CHD9: variants seen among roughly 807,000 people sequenced by gnomAD.
CHD9 encodes chromodomain helicase DNA binding protein 9.
CHD9 carries 77 observed loss-of-function variants against 316.1 expected under a neutral mutation model. The observed-to-expected ratio is 0.24, with a 90% CI of 0.20 to 0.29. The LOEUF is 0.29. CHD9 is among the 10% of genes least tolerant of loss of function. The pLI, the probability that CHD9 is intolerant of heterozygous loss-of-function variation, is 1.00. For missense variants in CHD9, 2,763 were observed against 3,438.1 expected (o/e 0.80, Z 4.91); for synonymous variants, 1,129 against 1,158.3 (o/e 0.97, Z 0.51).
intron 2 of CHD9, among the ~76,000 whole-genome samples, chr16:53,159,999 T>C (rs796317944): frequency 5.9e-5 from 9 of 152,322 alleles, no homozygotes; most frequent in African/African-American, 1.9e-4. Context: ...AAGACACTTA[T>C]AAACCCTCCA....
chr16:53,323,254 CTA>C (rs1158977186), intron 38 of CHD9, among the ~76,000 whole-genome samples: 3 of 152,158 alleles, frequency 2.0e-5, no homozygotes, highest in Non-Finnish European at 4.4e-5. Flanking sequence ...ATTAAATAGA[CTA>C]TTACTAAAAT....
intron 17 of CHD9, among the ~76,000 whole-genome samples, chr16:53,252,452 G>T (rs1254962983): frequency 6.6e-6 from 1 of 152,066 alleles, no homozygotes; most frequent in Non-Finnish European, 1.5e-5. Flanking sequence ...AAAAATTCTG[G>T]AAAATAACAT....
intron 24 of CHD9, among the ~76,000 whole-genome samples, chr16:53,274,920 C>T (rs1385791893): frequency 1.3e-5 from 2 of 152,212 alleles, no homozygotes; most frequent in African/African-American, 4.8e-5. Flanking sequence ...TTGCTCTCAT[C>T]TTGGCCATCA....
intron 1 of CHD9, among the ~76,000 whole-genome samples, chr16:53,103,061 G>A (rs760135110): frequency 6.6e-6 from 1 of 151,046 alleles, no homozygotes; most frequent in Non-Finnish European, 1.5e-5. Context: ...TAGCCAGGAT[G>A]GTCTCGATCT....
rs1173976881 is a variant in CHD9, at chr16:53,223,378, C to T, written c.1896+623C>T. The T allele has an allele frequency of 2.0e-5, 3 of 152,040 alleles. No individual in the cohort carries two copies. In the Admixed American group the frequency reaches 2.0e-4, roughly 10 times the overall value. 9.4% of individuals were successfully genotyped at this position (152,040 alleles called of 1,614,324 possible). On this transcript the variant is annotated intron_variant, in intron 4 of 38. Transcript: ENST00000447540. ...TAATAACTAAAGTATGACTGTAGGC[C>T]GTAGGGGTGGTGGCAGTTGTGAATT...
At chr16:53,174,329 T>G (rs563218773) in intron 2 of CHD9, among the ~76,000 whole-genome samples, 5 of 152,236 alleles carry the variant, frequency 3.3e-5, no homozygotes, top group Non-Finnish European at 7.3e-5. Flanking sequence ...TTTAATTATA[T>G]TTGCTTTCTA....
intron 1 of CHD9, among the ~76,000 whole-genome samples, chr16:53,116,623 G>T (rs1597039327): frequency 6.6e-6 from 1 of 152,184 alleles, no homozygotes; most frequent in Admixed American, 6.5e-5. Context: ...TACACTGTTG[G>T]TGGGAATGTA....
At chr16:53,109,054 G>T (rs536486467) in intron 1 of CHD9, among the ~76,000 whole-genome samples, 41 of 152,268 alleles carry the variant, frequency 2.7e-4, no homozygotes, top group Non-Finnish European at 5.6e-4. Flanking sequence ...ATAATGAGAT[G>T]AGAGTCTGGA....
chr16:53,257,890 T>G (rs1052678702), intron 19 of CHD9, among the ~76,000 whole-genome samples: 5 of 152,150 alleles, frequency 3.3e-5, no homozygotes, highest in Non-Finnish European at 7.4e-5. Flanking sequence ...TACTTAGTTT[T>G]GATTCCTTGG....
intron 22 of CHD9, among the ~76,000 whole-genome samples, chr16:53,271,438 A>T (rs1399149834): frequency 6.6e-6 from 1 of 152,066 alleles, no homozygotes; most frequent in South Asian, 2.1e-4. Flanking sequence ...CCATGGTGAC[A>T]TGTGCCTGTA....
At chr16:53,158,031 A>G (rs1158457931) in intron 2 of CHD9, among the ~76,000 whole-genome samples, 3 of 152,198 alleles carry the variant, frequency 2.0e-5, no homozygotes, top group East Asian at 1.9e-4. Context: ...CCAGAATAAT[A>G]TGCAGCTTTA....
intron 2 of CHD9, among the ~76,000 whole-genome samples, chr16:53,159,002 T>C (rs1383896781): frequency 2.6e-5 from 4 of 152,146 alleles, no homozygotes; most frequent in African/African-American, 9.7e-5. Context: ...GGGCCAGTTA[T>C]GTTAGCTTAT....
chr16:53,123,215 T>G (rs2038823983), intron 1 of CHD9, among the ~76,000 whole-genome samples: 1 of 151,778 alleles, frequency 6.6e-6, no homozygotes, highest in Non-Finnish European at 1.5e-5. Flanking sequence ...GTTTTATACT[T>G]GATAAAATTT....
intron 12 of CHD9, among the ~76,000 whole-genome samples, chr16:53,239,749 G>C (rs1313614033): frequency 6.6e-6 from 1 of 152,052 alleles, no homozygotes; most frequent in African/African-American, 2.4e-5. Flanking sequence ...GAGCCCAAGA[G>C]TTTGAGGCCG....
chr16:53,093,739 A>G (rs1250113421), intron 1 of CHD9, among the ~76,000 whole-genome samples: 2 of 152,218 alleles, frequency 1.3e-5, no homozygotes, highest in African/African-American at 4.8e-5. Flanking sequence ...TTAAGCTAAC[A>G]GAGATAGCTA....
chr16:53,223,634 A>G (rs2047417820), intron 4 of CHD9: 1 of 152,326 alleles, frequency 6.6e-6, no homozygotes, highest in South Asian at 2.1e-4. Context: ...TTTTTGCTGG[A>G]ATAATGCTGG....
intron 36 of CHD9, among the ~76,000 whole-genome samples, chr16:53,315,789 T>G (rs2056838161): frequency 6.6e-6 from 1 of 151,790 alleles, no homozygotes; most frequent in Non-Finnish European, 1.5e-5. Flanking sequence ...TATAACTGTT[T>G]TATAAATGAA....
At position 53,314,716 on chromosome 16, in the gene CHD9, T is replaced by C. The variant is rs1276621016; in HGVS notation, c.7363-107T>C. The C allele has an allele frequency of 4.6e-6, 5 of 1,095,332 alleles. No individual in the cohort carries two copies. The African/African-American group carries it at 8.0e-5, about 17-fold the overall frequency. 67.9% of individuals were successfully genotyped at this position (1,095,332 alleles called of 1,614,324 possible). On this transcript the variant is annotated intron_variant, in intron 35 of 38. Coordinates refer to ENST00000447540, the MANE Select transcript of CHD9 (RefSeq NM_001308319.2). ...TTTAAGTTTAAAAGATTTAGCAGAA[T>C]TTTTAGCAACAACTTATTTTTTCTC...
rs761208173 is a variant in CHD9, at chr16:53,249,867, A to G, written c.3666-4A>G. On this transcript the variant is annotated splice_region_variant and splice_polypyrimidine_tract_variant and intron_variant, in intron 16 of 38. Transcript: ENST00000447540. ...ATGTAAATTTATTCCATTTCATTCC[A>G]TAGATACTTATATGAGCGAATTGAT... is the stretch of plus-strand genomic sequence containing the variant. The G allele has an allele frequency of 3.1e-6, 5 of 1,604,378 alleles. No individual in the cohort carries two copies. Among genetic ancestry groups the G allele is most frequent in the Non-Finnish European group, 4.3e-6 (5 of 1,171,326 alleles).
Sources: allele counts gnomAD v4.1 joint callset (sites outside exome capture counted in the v4.1 genomes callset), GRCh38; gene constraint gnomAD v4.1.1; transcripts MANE v1.5; gene names NCBI Gene and HGNC (gene_info 2026-07-23, HGNC 2026-07-21).